Variants in GRID2 observed in about 807,000 individuals in gnomAD.
The protein encoded by GRID2 is glutamate receptor ionotropic, delta-2.
GRID2 carries 33 observed loss-of-function variants against 114.8 expected under a neutral mutation model. That is an observed-to-expected ratio of 0.29 (90% CI 0.22 to 0.38). The LOEUF is 0.38. GRID2 is among the 10% of genes least tolerant of loss of function. The pLI is 1.00. For synonymous variants in GRID2, 505 were observed against 449.9 expected, an observed-to-expected ratio of 1.12 and a Z score of -1.55; for missense variants, 1,184 against 1,257.7, an observed-to-expected ratio of 0.94 and a Z score of 0.89.
At chr4:93,743,170 C>A (rs1441492951) in intron 14 of GRID2, among the ~76,000 whole-genome samples, 1 of 152,176 alleles carries the variant, frequency 6.6e-6, no homozygotes, top group East Asian at 1.9e-4. Context: ...CAAAGCCTAA[C>A]CCAGAGCAAG....
chr4:93,245,164 ATGTT>A (rs758233438), intron 8 of GRID2, among the ~76,000 whole-genome samples: 2 of 152,058 alleles, frequency 1.3e-5, no homozygotes, highest in East Asian at 3.9e-4. Flanking sequence ...GACAAGAACT[ATGTT>A]TGTTTTCTGT....
At chr4:93,653,000 G>A (rs559218947) in intron 14 of GRID2, among the ~76,000 whole-genome samples, 1 of 152,066 alleles carries the variant, frequency 6.6e-6, no homozygotes, top group South Asian at 2.1e-4. Flanking sequence ...TGCCACCAGA[G>A]GTTTTTAAGT....
At chr4:93,744,374 A>G (rs1731669962) in intron 14 of GRID2, among the ~76,000 whole-genome samples, 1 of 152,218 alleles carries the variant, frequency 6.6e-6, no homozygotes, top group African/African-American at 2.4e-5. Context: ...TATACACCAT[A>G]ATCTTCAGGA....
intron 2 of GRID2, among the ~76,000 whole-genome samples, chr4:92,615,062 A>G (rs1298000845): frequency 1.3e-5 from 2 of 151,508 alleles, no homozygotes; most frequent in Non-Finnish European, 3.0e-5. Context: ...GGCTTAAACA[A>G]TAGTAATATA....
chr4:92,883,036 T>G (rs1746132147), intron 2 of GRID2, among the ~76,000 whole-genome samples: 1 of 152,212 alleles, frequency 6.6e-6, no homozygotes, highest in Non-Finnish European at 1.5e-5. Context: ...AAGATTTCTC[T>G]TTAGCATGTC....
chr4:93,216,720 C>T lies in GRID2; in HGVS notation c.790-18C>T. 1 of 1,551,454 alleles carries T rather than the reference C, an allele frequency of 6.4e-7. No individual in the cohort carries two copies. Among genetic ancestry groups the T allele is most frequent in the South Asian group, 1.1e-5 (1 of 88,760 alleles). On this transcript the variant is annotated intron_variant, in intron 5 of 15. Transcript: ENST00000282020. The stretch of plus-strand genomic sequence containing the variant: ...CTGTATTAAAGTATCTCTAATTCTT[C>T]CACCTCTTATCTTATAGGAAATAAA...
chr4:92,610,517 G>A (rs1729666946), intron 2 of GRID2, among the ~76,000 whole-genome samples: 1 of 151,502 alleles, frequency 6.6e-6, no homozygotes, highest in African/African-American at 2.4e-5. Context: ...CTCCACTTCT[G>A]TTTTTTACCA....
At chr4:93,012,496 C>A (rs2149233702) in intron 2 of GRID2, among the ~76,000 whole-genome samples, 1 of 152,158 alleles carries the variant, frequency 6.6e-6, no homozygotes, top group South Asian at 2.1e-4. Flanking sequence ...TGGTGTAAAT[C>A]TACTGTGCAT....
At chr4:92,395,528 G>T (rs1184796950) in intron 1 of GRID2, among the ~76,000 whole-genome samples, 1 of 151,624 alleles carries the variant, frequency 6.6e-6, no homozygotes, top group East Asian at 1.9e-4. Context: ...AAAATGTTAA[G>T]TAAGCACAAC....
chr4:93,726,364 A>G (rs1467082636), intron 14 of GRID2, among the ~76,000 whole-genome samples: 2 of 152,218 alleles, frequency 1.3e-5, no homozygotes, highest in Admixed American at 6.5e-5. Flanking sequence ...TGGTACCAGT[A>G]CCATGCTGTT....
chr4:93,771,476 A>G lies in GRID2; in HGVS notation c.2602-600A>G, dbSNP rs965394380. On this transcript the variant is annotated intron_variant, in intron 15 of 15. Coordinates refer to ENST00000282020, the MANE Select transcript of GRID2 (RefSeq NM_001510.4). The stretch of plus-strand genomic sequence containing the variant: ...TTCAGGTGCTAGATACCTTGAGTGC[A>G]TAAATCCCTCAATTAGAAATTATTT... 6.6e-5 allele frequency among the ~76,000 whole-genome samples: 10 copies of G among 152,328 alleles called. No homozygotes were observed. In the East Asian group the frequency reaches 1.3e-3, roughly 21 times the overall value.
intron 1 of GRID2, among the ~76,000 whole-genome samples, chr4:92,487,827 G>C (rs879596558): frequency 1.3e-5 from 2 of 151,912 alleles, no homozygotes; most frequent in Non-Finnish European, 2.9e-5. Context: ...CGGCAGTTTT[G>C]TGTGTTTTGT....
chr4:92,857,861 T>TC (rs1744278429), intron 2 of GRID2, among the ~76,000 whole-genome samples: 1 of 152,202 alleles, frequency 6.6e-6, no homozygotes, highest in Non-Finnish European at 1.5e-5. Flanking sequence ...GCTGACTCTC[T>TC]TGTTATGGGC....
rs566796187 is a variant in GRID2, at chr4:92,856,096, A to T, written c.245-228899A>T. On this transcript the variant is annotated intron_variant, in intron 2 of 15. Transcript: ENST00000282020. ...TTTTTCCAATTATCCTTAATTGGTTATCTGTATCTCTACTCCTGTGTTACT... is the reference window on the plus strand; with the variant it reads ...TTTTTCCAATTATCCTTAATTGGTTTTCTGTATCTCTACTCCTGTGTTACT... 2.7e-4 allele frequency among the ~76,000 whole-genome samples: 41 copies of T among 152,224 alleles called. 1 individual carries two copies. Among genetic ancestry groups the T allele is most frequent in the African/African-American group, 9.6e-4 (40 of 41,568 alleles).
rs1448269415 is a variant in GRID2, at chr4:93,466,826, T to C, written c.1858+10852T>C. Reference sequence around the variant, plus strand: ...AAACATGTTAATAACTATTTGATAGTTTAATATGTTAATGAAACTGAAAGC... The same window carrying C: ...AAACATGTTAATAACTATTTGATAGCTTAATATGTTAATGAAACTGAAAGC... On this transcript the variant is annotated intron_variant, in intron 11 of 15. Transcript: ENST00000282020. Among the ~76,000 whole-genome samples, 3 of 152,202 alleles carry C rather than the reference T, an allele frequency of 2.0e-5. No individual in the cohort carries two copies. In the South Asian group the frequency reaches 6.2e-4, roughly 31 times the overall value.
intron 2 of GRID2, among the ~76,000 whole-genome samples, chr4:92,695,571 G>A (rs980828770): frequency 6.6e-6 from 1 of 151,824 alleles, no homozygotes; most frequent in South Asian, 2.1e-4. Context: ...GATTTAGTGT[G>A]TGATAATGTG....
chr4:93,800,402 C>T (rs935325431), intron 1 of GRID2, among the ~76,000 whole-genome samples: 1 of 152,038 alleles, frequency 6.6e-6, no homozygotes, highest in Non-Finnish European at 1.5e-5. Flanking sequence ...AAGTTTGGAT[C>T]GAACAATTTG....
At chr4:92,970,564 A>AAAAAGGAAAAAG (rs1484737225) in intron 2 of GRID2, among the ~76,000 whole-genome samples, 1 of 152,006 alleles carries the variant, frequency 6.6e-6, no homozygotes. Context: ...TGTGTCTTTC[A>AAAAAGGAAAAAG]TGTTTCATAC....
chr4:93,354,616 C>G (rs1216303263), intron 8 of GRID2, among the ~76,000 whole-genome samples: 2 of 150,048 alleles, frequency 1.3e-5, no homozygotes, highest in African/African-American at 2.5e-5. Flanking sequence ...TGATTTTAAA[C>G]TACGCTAAAG....
Sources: allele counts gnomAD v4.1 joint callset (sites outside exome capture counted in the v4.1 genomes callset), GRCh38; gene constraint gnomAD v4.1.1; transcripts MANE v1.5; gene names NCBI Gene and HGNC (gene_info 2026-07-23, HGNC 2026-07-21).